The following PKD2 variants were observed in gnomAD, a reference collection of about 807,000 sequenced individuals.
PKD2 encodes the protein polycystin 2, transient receptor potential cation channel.
A neutral mutation model predicts 105.9 loss-of-function variants in PKD2; 48 were observed. That is an observed-to-expected ratio of 0.45 (90% CI 0.36 to 0.58). PKD2 has a LOEUF of 0.58. PKD2 is among the 20% of genes least tolerant of loss of function. The pLI, the probability that PKD2 is intolerant of heterozygous loss-of-function variation, is 0.00. For synonymous variants in PKD2, 464 were observed against 481.1 expected (o/e 0.96, Z 0.46); for missense variants, 1,078 against 1,255.3 (o/e 0.86, Z 2.13).
chr4:88,046,809 G>T lies in PKD2; in HGVS notation c.1487G>T (p.Arg496Leu), dbSNP rs746049242. The T allele has an allele frequency of 1.2e-6, 2 of 1,611,890 alleles. No individual in the cohort carries two copies. Among genetic ancestry groups the T allele is most frequent in the South Asian group, 2.2e-5 (2 of 91,026 alleles). ...GTGGTGGAAGAGATATTGGAAATTC[G>T]CATTCACAAACTACACTATTTCAGG... Reference protein sequence around the residue: ...YYVVEEILEIRIHKLHYFRSF... With the variant: ...YYVVEEILEILIHKLHYFRSF... Residue 496 changes from arginine to leucine, a missense_variant, in exon 6 of 15, where the codon CGC (arginine) becomes CTC (leucine). Coordinates refer to ENST00000237596, the MANE Select transcript of PKD2 (RefSeq NM_000297.4).
intron 2 of PKD2, among the ~76,000 whole-genome samples, chr4:88,020,926 A>G (rs1157145483): frequency 6.6e-6 from 1 of 152,052 alleles, no homozygotes; most frequent in Non-Finnish European, 1.5e-5. Flanking sequence ...TCCTAGCTTC[A>G]AGTGATCCTC....
At chr4:88,025,031 G>C (rs1348996415) in intron 2 of PKD2, among the ~76,000 whole-genome samples, 3 of 152,130 alleles carry the variant, frequency 2.0e-5, no homozygotes, top group Admixed American at 6.5e-5. Context: ...TACTTGGGAG[G>C]CTGAGGCAGG....
At chr4:88,047,719 C>T (rs557726248) in intron 6 of PKD2, among the ~76,000 whole-genome samples, 30 of 152,210 alleles carry the variant, frequency 2.0e-4, no homozygotes, top group African/African-American at 6.7e-4. Flanking sequence ...AAAGGCAGGC[C>T]ATGCACAGTG....
intron 5 of PKD2, among the ~76,000 whole-genome samples, chr4:88,044,546 C>T (rs1437704668): frequency 2.0e-5 from 3 of 152,048 alleles, no homozygotes; most frequent in Non-Finnish European, 4.4e-5. Context: ...TGCTTAAGAC[C>T]AGAATGTTTG....
At chr4:88,058,759 A>G (rs1054082466) in intron 9 of PKD2, among the ~76,000 whole-genome samples, 1 of 152,198 alleles carries the variant, frequency 6.6e-6, no homozygotes, top group Non-Finnish European at 1.5e-5. Flanking sequence ...ATTTTCAAAA[A>G]TAATTTTTTT....
rs1208967427 is a variant in PKD2, at chr4:88,056,236, G to A, written c.1867G>A (p.Val623Ile). 1 of 1,613,198 alleles carries A rather than the reference G, an allele frequency of 6.2e-7. No individual in the cohort carries two copies. ...GGCATACCTTGTCTTTGGCACTCAG[G>A]TCGATGACTTCAGTACTTTCCAAGA... is the stretch of plus-strand genomic sequence containing the variant. ...QLAYLVFGTQVDDFSTFQECI... is the reference protein window; with the variant it reads ...QLAYLVFGTQIDDFSTFQECI... The change falls in exon 8 of 15, where the codon GTC (valine) becomes ATC (isoleucine). Residue 623 changes from valine to isoleucine, a missense_variant. Transcript: ENST00000237596.
rs769071283 is a variant in PKD2 at position 88,052,046 on chromosome 4, T to C, written c.1604T>C (p.Leu535Pro). Residue 535 changes from leucine (L) to proline (P), a missense_variant, in exon 7 of 15, where the codon CTA (leucine) becomes CCA (proline). By Grantham distance (98) the Leu-to-Pro change is moderately conservative (BLOSUM62 -3). Coordinates refer to ENST00000237596, the MANE Select transcript of PKD2 (RefSeq NM_000297.4). ...NIYRTSNVEVLLQFLEDQNTF... is the reference protein window; with the variant it reads ...NIYRTSNVEVPLQFLEDQNTF... ...TACAGAACATCAAATGTGGAGGTGCTACTACAGTTTCTGGAAGATCAAAAT... is the reference window on the plus strand; with the variant it reads ...TACAGAACATCAAATGTGGAGGTGCCACTACAGTTTCTGGAAGATCAAAAT... 8 of 1,602,544 alleles carry C rather than the reference T, an allele frequency of 5.0e-6. No individual in the cohort carries two copies. The Admixed American group carries it at 5.0e-5, about 10-fold the overall frequency.
chr4:88,067,175 T>G (rs1269076717), intron 12 of PKD2, among the ~76,000 whole-genome samples: 1 of 152,194 alleles, frequency 6.6e-6, no homozygotes, highest in Non-Finnish European at 1.5e-5. Context: ...TCAAAGGTCA[T>G]GCTTAAAGGA....
intron 5 of PKD2, among the ~76,000 whole-genome samples, chr4:88,045,295 T>C (rs1404815518): frequency 6.6e-6 from 1 of 152,224 alleles, no homozygotes; most frequent in South Asian, 2.1e-4. Flanking sequence ...GGCTCTTGGC[T>C]TCAGAGTTGC....
At chr4:88,053,334 A>T (rs187954936) in intron 7 of PKD2, among the ~76,000 whole-genome samples, 3 of 152,202 alleles carry the variant, frequency 2.0e-5, no homozygotes, top group Middle Eastern at 3.4e-3. Context: ...CTGAGTTGGT[A>T]TTCATACCTA....
At chr4:88,043,510 C>A in intron 5 of PKD2, 53 bp downstream of exon 5, 1 of 1,312,480 alleles carries the variant, frequency 7.6e-7, no homozygotes, top group Non-Finnish European at 1.1e-6. Context: ...GTACATACAT[C>A]CTATTCTGGG....
rs560942219 is a variant in PKD2 at position 88,042,410 on chromosome 4, C to T, written c.1095-823C>T. Among the ~76,000 whole-genome samples, 5 of 152,290 alleles carry T rather than the reference C, an allele frequency of 3.3e-5. No individual in the cohort carries two copies. In the East Asian group the frequency reaches 5.8e-4, roughly 18 times the overall value. On this transcript the variant is annotated intron_variant, in intron 4 of 14. Transcript: ENST00000237596. The stretch of plus-strand genomic sequence containing the variant: ...CCCCCATGATTCAATTACCTCCTAC[C>T]GGGTTTCTCCAACAAAACATGGGAA...
intron 4 of PKD2, 108 bp from the exon 5 acceptor site, chr4:88,043,125 A>T (rs567936151): frequency 1.4e-6 from 1 of 740,130 alleles, no homozygotes; most frequent in African/African-American, 1.7e-5. Context: ...ACCCAGCTTG[A>T]TAGGCCTTAA....
chr4:88,022,905 A>G (rs1026655025), intron 2 of PKD2, among the ~76,000 whole-genome samples: 10 of 151,932 alleles, frequency 6.6e-5, no homozygotes, highest in Non-Finnish European at 1.2e-4. Context: ...ACAAGGTGAA[A>G]CCCCCTCTCT....
At chr4:88,070,591 T>TAGAG (rs1380301242) in intron 13 of PKD2, among the ~76,000 whole-genome samples, 113 of 104,142 alleles carry the variant, frequency 1.1e-3, no homozygotes, top group African/African-American at 3.4e-3. Flanking sequence ...TATATATATA[T>TAGAG]ATATATATAT....
At chr4:88,031,852 A>G (rs752550321) in intron 2 of PKD2, among the ~76,000 whole-genome samples, 45 of 152,236 alleles carry the variant, frequency 3.0e-4, no homozygotes, top group Non-Finnish European at 4.6e-4. Context: ...TTACAGTTGA[A>G]TCATCATGTA....
chr4:88,046,592 A>T (rs372922210), intron 5 of PKD2, 50 bp from the exon 6 acceptor site: 26 of 1,062,990 alleles, frequency 2.4e-5, no homozygotes, highest in Admixed American at 5.1e-5. Flanking sequence ...TCCTGGCTGT[A>T]TTCATGTGTT....
In PKD2 at chr4:88,052,441, A is replaced by T. The variant is rs575036521; in HGVS notation, c.1716+283A>T. On this transcript the variant is annotated intron_variant, in intron 7 of 14. Transcript: ENST00000237596. ...GTGCCACCATACCCGGCTAATTTTT[A>T]AATTTTTTCGTAGAGACAAGGTCTC... 5.3e-5 allele frequency among the ~76,000 whole-genome samples: 8 copies of T among 152,044 alleles called. No homozygotes were observed. The East Asian group carries it at 1.6e-3, about 29-fold the overall frequency.
chr4:88,061,938 C>T lies in PKD2; in HGVS notation c.2052C>T (p.Tyr684=). 2.5e-6 allele frequency: 4 copies of T among 1,577,828 alleles called. No homozygotes were observed. The highest frequency in any genetic ancestry group is 3.5e-6 in the Non-Finnish European group (4 of 1,147,250). The change falls in exon 10 of 15, where the codon TAC becomes TAT. Residue 684 remains tyrosine (Y), a synonymous_variant. Transcript: ENST00000237596. The stretch of plus-strand genomic sequence containing the variant: ...TTTTGGCTATCATCAATGATACTTA[C>T]TCTGAAGTGAAATCTGACTTGGCAC... ...NMFLAIINDT[Y]SEVKSDLAQQ...
Sources: allele counts gnomAD v4.1 joint callset (sites outside exome capture counted in the v4.1 genomes callset), GRCh38; gene constraint gnomAD v4.1.1; transcripts MANE v1.5; gene names NCBI Gene and HGNC (gene_info 2026-07-23, HGNC 2026-07-21).